Variants in GSG1L observed in about 807,000 individuals in gnomAD.
The protein encoded by GSG1L is GSG1 like.
Under a neutral mutation model 42.1 loss-of-function variants are expected in GSG1L, and 24 were observed. That is an observed-to-expected ratio of 0.57 (90% CI 0.41 to 0.80). GSG1L has a LOEUF of 0.80. Ranked by LOEUF, GSG1L falls within the 30% of genes least tolerant of loss-of-function variation. The pLI is 0.00. For synonymous variants in GSG1L, 215 were observed against 203.5 expected, an observed-to-expected ratio of 1.06 and a Z score of -0.48; for missense variants, 445 against 472.2, an observed-to-expected ratio of 0.94 and a Z score of 0.53.
chr16:28,014,534 C>T (rs1030895530), intron 1 of GSG1L, among the ~76,000 whole-genome samples: 2 of 152,008 alleles, frequency 1.3e-5, no homozygotes, highest in Non-Finnish European at 1.5e-5. Context: ...GACAGGGTCT[C>T]GCTCTGTCAC....
intron 2 of GSG1L, among the ~76,000 whole-genome samples, chr16:27,911,377 G>A (rs145741206): frequency 2.6e-5 from 4 of 151,128 alleles, no homozygotes; most frequent in East Asian, 3.9e-4. Flanking sequence ...TGCAACCTCC[G>A]CCTCCCAGGT....
chr16:27,889,150 A>G (rs756775691), intron 2 of GSG1L, among the ~76,000 whole-genome samples: 11 of 151,884 alleles, frequency 7.2e-5, no homozygotes, highest in Non-Finnish European at 1.3e-4. Context: ...TGCCCAGCTA[A>G]TTTTTTTATT....
intron 4 of GSG1L, among the ~76,000 whole-genome samples, chr16:27,843,858 C>T (rs1162716423): frequency 6.6e-6 from 1 of 152,138 alleles, no homozygotes; most frequent in African/African-American, 2.4e-5. Flanking sequence ...GAGAATATGA[C>T]CTAAGCCCAC....
intron 4 of GSG1L, 69 bp downstream of exon 4, chr16:27,844,881 G>A (rs2083426261): frequency 1.7e-6 from 1 of 604,184 alleles, no homozygotes; most frequent in East Asian, 3.2e-5. Context: ...ACTGGGCTGA[G>A]CTGCTGAAGT....
intron 3 of GSG1L, among the ~76,000 whole-genome samples, chr16:27,860,095 T>G (rs77933080): frequency 0.02 from 3,106 of 152,146 alleles, 121 homozygotes; most frequent in African/African-American, 0.072. Flanking sequence ...CACCAAAGAT[T>G]AAGGCTTAAC....
At chr16:27,974,886 G>C (rs1345835844) in intron 1 of GSG1L, among the ~76,000 whole-genome samples, 1 of 152,120 alleles carries the variant, frequency 6.6e-6, no homozygotes, top group Non-Finnish European at 1.5e-5. Flanking sequence ...ACTGAAGACC[G>C]ACGAGTGAAG....
At chr16:27,858,639 G>GA (rs914199988) in intron 3 of GSG1L, among the ~76,000 whole-genome samples, 2 of 152,092 alleles carry the variant, frequency 1.3e-5, no homozygotes, top group African/African-American at 4.8e-5. Flanking sequence ...AGGAAGATGG[G>GA]AAAAAACACA....
intron 2 of GSG1L, among the ~76,000 whole-genome samples, chr16:27,955,985 G>A (rs1048476674): frequency 6.6e-6 from 1 of 152,020 alleles, no homozygotes; most frequent in African/African-American, 2.4e-5. Context: ...AGAGAAGAAG[G>A]AAAGGAGGAA....
chr16:27,901,533 A>G (rs1363623105), intron 2 of GSG1L, among the ~76,000 whole-genome samples: 1 of 152,248 alleles, frequency 6.6e-6, no homozygotes, highest in Non-Finnish European at 1.5e-5. Context: ...AATCTCTGCT[A>G]CAGGAGCGGT....
chr16:28,048,935 G>A (rs1192004169), intron 1 of GSG1L, among the ~76,000 whole-genome samples: 1 of 152,152 alleles, frequency 6.6e-6, no homozygotes, highest in Non-Finnish European at 1.5e-5. Context: ...AGATGGAGGA[G>A]GGGGCAATAA....
intron 4 of GSG1L, among the ~76,000 whole-genome samples, chr16:27,837,536 C>T (rs912690582): frequency 8.5e-5 from 13 of 152,180 alleles, no homozygotes; most frequent in Non-Finnish European, 1.5e-4. Context: ...ATCACTGACA[C>T]CATGGGGAGG....
At position 27,808,336 on chromosome 16, in the gene GSG1L, G is replaced by A. The variant is rs568203019; in HGVS notation, c.831-782C>T. Among the ~76,000 whole-genome samples the A allele has an allele frequency of 3.2e-4, 48 of 151,998 alleles. No individual in the cohort carries two copies. The South Asian group carries it at 5.2e-3, about 16-fold the overall frequency. ...TCCTGGCTTCAAGGGATCCTCCTGC[G>A]TCTGCCTCCCAAAACTCTGGGATTA... On this transcript the variant is annotated intron_variant, in intron 5 of 6. Transcript: ENST00000447459.
intron 1 of GSG1L, among the ~76,000 whole-genome samples, chr16:27,972,560 C>A (rs2085204569): frequency 6.6e-6 from 1 of 152,184 alleles, no homozygotes; most frequent in Non-Finnish European, 1.5e-5. Context: ...AAGACAGGTG[C>A]ACTTGTCTCT....
chr16:28,034,085 G>T (rs1430423315), intron 1 of GSG1L, among the ~76,000 whole-genome samples: 2 of 149,304 alleles, frequency 1.3e-5, no homozygotes, highest in African/African-American at 5.0e-5. Flanking sequence ...ATTCCATCCT[G>T]TCCCAACCCA....
intron 2 of GSG1L, among the ~76,000 whole-genome samples, chr16:27,905,457 C>G (rs1003473361): frequency 2.0e-5 from 3 of 151,772 alleles, no homozygotes; most frequent in Non-Finnish European, 4.4e-5. Context: ...TAGCTGGGAC[C>G]ACAGGCATGT....
intron 4 of GSG1L, among the ~76,000 whole-genome samples, chr16:27,830,259 T>C (rs1237161283): frequency 1.3e-5 from 2 of 152,156 alleles, no homozygotes; most frequent in East Asian, 3.9e-4. Flanking sequence ...TTCCTCCAAA[T>C]CAGGGACTCA....
chr16:27,798,800 G>A (rs1287008728), intron 6 of GSG1L, among the ~76,000 whole-genome samples: 1 of 152,166 alleles, frequency 6.6e-6, no homozygotes, highest in Non-Finnish European at 1.5e-5. Context: ...GCCTTGGACA[G>A]AAGTGGGCAT....
intron 6 of GSG1L, among the ~76,000 whole-genome samples, chr16:27,797,980 G>A (rs979114264): frequency 3.3e-5 from 5 of 152,040 alleles, no homozygotes; most frequent in Admixed American, 2.6e-4. Flanking sequence ...TAAACAACAA[G>A]CACATACGGC....
chr16:27,791,381 GC>G lies in GSG1L; in HGVS notation c.984del (p.His329ThrfsTer92). ...PELNRQCWVL[G>X]HWV ...GGTTGAGGTCTTGGTCACACCCAGTGCCCCAAGACCCAGCACTGTCGGTTCA... is the reference window on the plus strand; with the variant it reads ...GGTTGAGGTCTTGGTCACACCCAGTGCCCAAGACCCAGCACTGTCGGTTCA... On this transcript the variant is annotated frameshift_variant, in exon 7 of 7. Transcript: ENST00000447459. LOFTEE classifies it high-confidence loss of function. The G allele has an allele frequency of 6.9e-7, 1 of 1,455,306 alleles. No homozygotes were observed. The highest frequency in any genetic ancestry group is 9.1e-7 in the Non-Finnish European group (1 of 1,095,848). The allele number at this position is 1,455,306 out of a possible 1,614,324, so 90.1% of individuals were successfully genotyped here.
Sources: gnomAD v4.1 joint callset for allele counts (sites outside exome capture counted in the v4.1 genomes callset) on GRCh38, gnomAD v4.1.1 for gene constraint, MANE v1.5 for transcripts, NCBI Gene and HGNC (gene_info 2026-07-23, HGNC 2026-07-21) for gene names.